TSHZ2: variants seen among roughly 807,000 people sequenced by gnomAD.
The protein encoded by TSHZ2 is teashirt zinc finger homeobox 2.
TSHZ2 carries 21 observed loss-of-function variants against 74.4 expected under a neutral mutation model. The observed-to-expected ratio is 0.28, with a 90% CI of 0.20 to 0.41. The LOEUF (loss-of-function observed/expected upper bound fraction) is 0.41. Among genes scored for constraint, TSHZ2 ranks in the 10% least tolerant of loss-of-function variants. TSHZ2 has a pLI of 1.00. For missense variants in TSHZ2, 1,244 were observed against 1,293.5 expected, an observed-to-expected ratio of 0.96 and a Z score of 0.59; for synonymous variants, 540 against 515.3, an observed-to-expected ratio of 1.05 and a Z score of -0.65.
intron 1 of TSHZ2, among the ~76,000 whole-genome samples, chr20:52,979,485 G>A (rs1257955061): frequency 6.6e-6 from 1 of 152,086 alleles, no homozygotes; most frequent in Non-Finnish European, 1.5e-5. Flanking sequence ...TTGTCCAAGG[G>A]TATCAGACTG....
intron 1 of TSHZ2, among the ~76,000 whole-genome samples, chr20:53,027,411 T>A (rs1209782115): frequency 6.6e-6 from 1 of 152,174 alleles, no homozygotes; most frequent in Non-Finnish European, 1.5e-5. Flanking sequence ...TGGTACTTTA[T>A]CTAATCTTAG....
intron 2 of TSHZ2, among the ~76,000 whole-genome samples, chr20:53,419,960 G>T (rs931090287): frequency 6.6e-6 from 1 of 152,334 alleles, no homozygotes; most frequent in African/African-American, 2.4e-5. Flanking sequence ...CTGTCACTTA[G>T]CCCCTCTCTG....
intron 1 of TSHZ2, among the ~76,000 whole-genome samples, chr20:53,245,884 T>C (rs893532046): frequency 1.3e-5 from 2 of 152,196 alleles, no homozygotes; most frequent in Non-Finnish European, 2.9e-5. Context: ...CCAGATTCTC[T>C]AACCCCTGGT....
At chr20:53,050,245 G>A (rs1984413025) in intron 1 of TSHZ2, among the ~76,000 whole-genome samples, 1 of 149,544 alleles carries the variant, frequency 6.7e-6, no homozygotes, top group Admixed American at 6.7e-5. Flanking sequence ...TACTTAAAAA[G>A]TGTTTTGTGA....
At chr20:53,288,783 G>C (rs971879559) in intron 2 of TSHZ2, among the ~76,000 whole-genome samples, 1 of 152,090 alleles carries the variant, frequency 6.6e-6, no homozygotes, top group South Asian at 2.1e-4. Context: ...AGAGAGGAAG[G>C]CTATTTTATT....
intron 1 of TSHZ2, among the ~76,000 whole-genome samples, chr20:53,068,259 A>G (rs753573648): frequency 3.3e-5 from 5 of 152,132 alleles, no homozygotes; most frequent in Non-Finnish European, 5.9e-5. Flanking sequence ...GGGTTTATTC[A>G]GGTAAATTCC....
chr20:53,359,952 G>A (rs8124915), intron 2 of TSHZ2, among the ~76,000 whole-genome samples: 202 of 152,298 alleles, frequency 1.3e-3, no homozygotes, highest in African/African-American at 4.5e-3. Flanking sequence ...TTAAGACATC[G>A]TTATAAAGAT....
At chr20:53,377,916 G>A (rs554762673) in intron 2 of TSHZ2, among the ~76,000 whole-genome samples, 1 of 152,162 alleles carries the variant, frequency 6.6e-6, no homozygotes, top group East Asian at 1.9e-4. Context: ...GCTGGCCCTG[G>A]ATTAGATGCT....
chr20:53,072,871 A>T (rs1305000459), intron 1 of TSHZ2, among the ~76,000 whole-genome samples: 1 of 152,170 alleles, frequency 6.6e-6, no homozygotes, highest in Non-Finnish European at 1.5e-5. Context: ...ACTTCTGCCC[A>T]TCCATCCATC....
At chr20:53,189,158 C>A (rs1279068960) in intron 1 of TSHZ2, among the ~76,000 whole-genome samples, 1 of 152,222 alleles carries the variant, frequency 6.6e-6, no homozygotes, top group Non-Finnish European at 1.5e-5. Context: ...AATTCAGAAT[C>A]TAGCAGAGTT....
intron 1 of TSHZ2, among the ~76,000 whole-genome samples, chr20:53,028,716 C>T (rs1471782624): frequency 6.6e-6 from 1 of 152,148 alleles, no homozygotes; most frequent in Non-Finnish European, 1.5e-5. Context: ...ATGGGAATAA[C>T]TTTTTCACAC....
chr20:53,225,918 G>A (rs139724530), intron 1 of TSHZ2, among the ~76,000 whole-genome samples: 1 of 152,178 alleles, frequency 6.6e-6, no homozygotes, highest in Admixed American at 6.5e-5. Flanking sequence ...GAAAATAAGT[G>A]AAAAATTCTA....
intron 1 of TSHZ2, among the ~76,000 whole-genome samples, chr20:53,205,450 A>G (rs1350179720): frequency 2.0e-5 from 3 of 152,210 alleles, no homozygotes; most frequent in Admixed American, 6.5e-5. Flanking sequence ...GAAACCAACT[A>G]TTTGTGACTT....
At chr20:53,391,727 G>A (rs750650770) in intron 2 of TSHZ2, among the ~76,000 whole-genome samples, 1 of 152,222 alleles carries the variant, frequency 6.6e-6, no homozygotes, top group Non-Finnish European at 1.5e-5. Context: ...TGGATCACCT[G>A]AGATCAGGAG....
chr20:53,281,357 A>G (rs1214887711), intron 2 of TSHZ2, among the ~76,000 whole-genome samples: 1 of 152,212 alleles, frequency 6.6e-6, no homozygotes, highest in African/African-American at 2.4e-5. Flanking sequence ...AGCTTGGTGT[A>G]TTTAAAGCAT....
At chr20:53,330,022 A>G (rs1409957961) in intron 2 of TSHZ2, among the ~76,000 whole-genome samples, 1 of 152,212 alleles carries the variant, frequency 6.6e-6, no homozygotes, top group Non-Finnish European at 1.5e-5. Flanking sequence ...TTTACATGTT[A>G]TCTATGGCTA....
intron 2 of TSHZ2, among the ~76,000 whole-genome samples, chr20:53,452,221 A>G (rs1984816456): frequency 6.6e-6 from 1 of 152,242 alleles, no homozygotes; most frequent in African/African-American, 2.4e-5. Flanking sequence ...TATGTGGCCC[A>G]GGGGCCAGAC....
intron 1 of TSHZ2, among the ~76,000 whole-genome samples, chr20:53,231,875 G>A (rs182444462): frequency 1.1e-3 from 172 of 152,132 alleles, no homozygotes; most frequent in African/African-American, 4.0e-3. Context: ...TGGTACTACA[G>A]GCCATACAAA....
intron 1 of TSHZ2, among the ~76,000 whole-genome samples, chr20:53,019,519 G>C (rs542478054): frequency 2.6e-5 from 4 of 152,102 alleles, no homozygotes; most frequent in Non-Finnish European, 4.4e-5. Flanking sequence ...CAGGGGGTTG[G>C]GGGAGACCCC....
Sources: gnomAD v4.1 joint callset for allele counts (sites outside exome capture counted in the v4.1 genomes callset) on GRCh38, gnomAD v4.1.1 for gene constraint, MANE v1.5 for transcripts, NCBI Gene and HGNC (gene_info 2026-07-23, HGNC 2026-07-21) for gene names.